GAPVD1: variants seen among roughly 807,000 people sequenced by gnomAD.
GAPVD1 encodes GTPase activating protein and VPS9 domains 1.
Under a neutral mutation model 155.5 loss-of-function variants are expected in GAPVD1, and 35 were observed. The ratio of observed to expected loss-of-function variants is 0.23; its 90% CI spans 0.17 to 0.30. The LOEUF (loss-of-function observed/expected upper bound fraction) is 0.30, where lower values mean the gene tolerates loss of function less well. Among genes scored for constraint, GAPVD1 ranks in the 10% least tolerant of loss-of-function variants. The pLI is 1.00. For missense variants in GAPVD1, 1,429 were observed against 1,775.7 expected, an observed-to-expected ratio of 0.80 and a Z score of 3.51; for synonymous variants, 636 against 619.7, an observed-to-expected ratio of 1.03 and a Z score of -0.39.
chr9:125,304,837 T>C (rs1841519741), intron 5 of GAPVD1, among the ~76,000 whole-genome samples: 2 of 152,194 alleles, frequency 1.3e-5, no homozygotes, highest in African/African-American at 4.8e-5. Context: ...AAAGAGAAAT[T>C]AAAGCAAAAA....
chr9:125,317,634 AAAAAAAAAG>A (rs1233794204), intron 9 of GAPVD1, among the ~76,000 whole-genome samples: 1 of 151,658 alleles, frequency 6.6e-6, no homozygotes, highest in Non-Finnish European at 1.5e-5. Context: ...TCAAAAAAAA[AAAAAAAAAG>A]AAAAGAAAGA....
At chr9:125,330,918 T>C (rs972420712) in intron 13 of GAPVD1, among the ~76,000 whole-genome samples, 31 of 152,184 alleles carry the variant, frequency 2.0e-4, no homozygotes, top group African/African-American at 7.5e-4. Context: ...AGGGGAGAAC[T>C]TGACTCTCTA....
chr9:125,293,557 C>T (rs1838941987), intron 2 of GAPVD1, among the ~76,000 whole-genome samples: 1 of 107,608 alleles, frequency 9.3e-6, no homozygotes, highest in African/African-American at 3.7e-5. Flanking sequence ...TCAAGCGATT[C>T]TTCTGCTTCA....
At chr9:125,296,653 C>CT (rs34723392) in intron 3 of GAPVD1, among the ~76,000 whole-genome samples, 10,874 of 125,206 alleles carry the variant, frequency 0.087, 1,671 homozygotes, top group African/African-American at 0.31. Flanking sequence ...TGTGCCTGGC[C>CT]TTTTTTTTTT....
intron 10 of GAPVD1, among the ~76,000 whole-genome samples, chr9:125,323,178 C>G (rs1773256524): frequency 6.6e-6 from 1 of 151,910 alleles, no homozygotes; most frequent in South Asian, 2.1e-4. Flanking sequence ...GCGATCTCAG[C>G]TCACTGCAAC....
At chr9:125,316,777 A>G (rs1428805140) in intron 9 of GAPVD1, among the ~76,000 whole-genome samples, 1 of 152,230 alleles carries the variant, frequency 6.6e-6, no homozygotes, top group African/African-American at 2.4e-5. Flanking sequence ...TTGCTGGGTC[A>G]GATGGTATTT....
Position 125,300,382 on chromosome 9 carries a change from A to G in GAPVD1, c.185+1276A>G, listed in dbSNP as rs1010467891. On this transcript the variant is annotated intron_variant, in intron 4 of 27. Transcript: ENST00000297933. ...TTTTTAGTAGAGACGGGGTTTCACC[A>G]TGTTGGTCAGACTGGTCTTGAACTT... 7.3e-5 allele frequency among the ~76,000 whole-genome samples: 11 copies of G among 151,160 alleles called. No individual in the cohort carries two copies. The Admixed American group carries it at 7.3e-4, about 10-fold the overall frequency.
At chr9:125,351,948 C>G (rs1302937105) in intron 23 of GAPVD1, among the ~76,000 whole-genome samples, 7 of 152,140 alleles carry the variant, frequency 4.6e-5, no homozygotes, top group Non-Finnish European at 1.0e-4. Flanking sequence ...ACCATATTAG[C>G]CAGGCTGGTC....
chr9:125,270,791 A>C lies in GAPVD1; in HGVS notation c.-150+1807A>C, dbSNP rs116647718. On this transcript the variant is annotated intron_variant, in intron 2 of 27. Coordinates refer to ENST00000297933, the MANE Select transcript of GAPVD1 (RefSeq NM_001282680.3). Reference sequence around the variant, plus strand: ...AAACCCCGTTTCTGGTAAAAGTACAAAATTAGCCAGGTGTAGTGGCACATG... The same window carrying C: ...AAACCCCGTTTCTGGTAAAAGTACACAATTAGCCAGGTGTAGTGGCACATG... Among the ~76,000 whole-genome samples the C allele has an allele frequency of 9.5e-3, 1,448 of 152,186 alleles. 26 individuals are homozygous for C. Among genetic ancestry groups the C allele is most frequent in the African/African-American group, 0.033 (1,374 of 41,520 alleles).
At chr9:125,351,734 GTCTT>G (rs1849314526) in intron 23 of GAPVD1, among the ~76,000 whole-genome samples, 1 of 151,668 alleles carries the variant, frequency 6.6e-6, no homozygotes. Context: ...GGTTCCCATG[GTCTT>G]TCTTTTTTTT....
chr9:125,268,024 C>T (rs948329014), intron 1 of GAPVD1, among the ~76,000 whole-genome samples: 5 of 151,318 alleles, frequency 3.3e-5, no homozygotes, highest in Non-Finnish European at 7.4e-5. Flanking sequence ...ATTAGCTGGG[C>T]GTGGTGGCTC....
chr9:125,328,838 C>T (rs976128697), intron 12 of GAPVD1, among the ~76,000 whole-genome samples: 2 of 151,992 alleles, frequency 1.3e-5, no homozygotes, highest in African/African-American at 4.8e-5. Flanking sequence ...GGCTGACCCC[C>T]CCCCCACCTC....
chr9:125,355,678 T>C lies in GAPVD1; in HGVS notation c.3792T>C (p.Thr1264=), dbSNP rs1381181461. The change falls in exon 25 of 28, where the codon ACT becomes ACC. Residue 1264 remains threonine, a synonymous_variant. Coordinates refer to ENST00000297933, the MANE Select transcript of GAPVD1 (RefSeq NM_001282680.3). ...FQKLTAADDK[T]AQVEDFLQFL... is the part of the protein sequence containing the mutation. The stretch of plus-strand genomic sequence containing the variant: ...AACTCACCGCAGCTGACGATAAAAC[T>C]GCTCAGGTAGAAGATTTTCTGCAGT... 6.2e-7 allele frequency: 1 copy of C among 1,613,612 alleles called. No homozygotes were observed. The highest frequency in any genetic ancestry group is 1.1e-5 in the South Asian group (1 of 91,058).
chr9:125,326,554 C>T lies in GAPVD1; in HGVS notation c.1997C>T (p.Pro666Leu), dbSNP rs1361762193. The T allele has an allele frequency of 8.1e-6, 13 of 1,612,710 alleles. No individual in the cohort carries two copies. In the South Asian group the frequency reaches 1.3e-4, roughly 16 times the overall value. Residue 666 changes from proline (P) to leucine (L), a missense_variant, in exon 12 of 28, where the codon CCT becomes CTT. Physicochemically the swap from Pro to Leu is moderately conservative, Grantham distance 98 (BLOSUM62 -3). Transcript: ENST00000297933. ...GACGTCTTGGGAAGTGACTTTGACC[C>T]TAATATTGATGAAGATCGCTTGCAA... ...STDVLGSDFD[P>L]NIDEDRLQEI...
intron 2 of GAPVD1, among the ~76,000 whole-genome samples, chr9:125,285,342 A>G (rs892046412): frequency 1.3e-5 from 2 of 152,188 alleles, no homozygotes; most frequent in Non-Finnish European, 2.9e-5. Context: ...TCTTGCCACT[A>G]AAATCTCCTT....
chr9:125,323,362 G>C (rs1325649787), intron 10 of GAPVD1, among the ~76,000 whole-genome samples: 1 of 151,750 alleles, frequency 6.6e-6, no homozygotes, highest in Admixed American at 6.6e-5. Flanking sequence ...CTGGAGTGCA[G>C]TGGCGCGATC....
chr9:125,334,380 G>A (rs1846563134), intron 15 of GAPVD1, among the ~76,000 whole-genome samples: 1 of 151,518 alleles, frequency 6.6e-6, no homozygotes, highest in Non-Finnish European at 1.5e-5. Flanking sequence ...AATATTCTGT[G>A]TGAAGAAATA....
intron 1 of GAPVD1, among the ~76,000 whole-genome samples, chr9:125,265,230 A>G (rs1165954343): frequency 6.6e-6 from 1 of 151,884 alleles, no homozygotes; most frequent in Non-Finnish European, 1.5e-5. Flanking sequence ...GTGTGATCCT[A>G]GGTTGTTTTA....
chr9:125,342,342 C>T, intron 19 of GAPVD1, 43 bp downstream of exon 19: 1 of 1,062,598 alleles, frequency 9.4e-7, no homozygotes, highest in Non-Finnish European at 1.5e-6. Flanking sequence ...ATTCCCAGAG[C>T]ACATATTTCA....
Sources: allele counts gnomAD v4.1 joint callset (sites outside exome capture counted in the v4.1 genomes callset), GRCh38; gene constraint gnomAD v4.1.1; transcripts MANE v1.5; gene names NCBI Gene and HGNC (gene_info 2026-07-23, HGNC 2026-07-21).